The following PTPRT variants were observed in gnomAD, a reference collection of about 807,000 sequenced individuals.
PTPRT encodes receptor-type tyrosine-protein phosphatase T.
A neutral mutation model predicts 176.8 loss-of-function variants in PTPRT; 56 were observed. The observed-to-expected ratio is 0.32, with a 90% confidence interval of 0.26 to 0.40. The LOEUF is 0.40. PTPRT is among the 10% of genes least tolerant of loss of function. The pLI is 1.00. For missense variants in PTPRT, 1,540 were observed against 1,908.2 expected, an observed-to-expected ratio of 0.81 and a Z score of 3.60; for synonymous variants, 783 against 739.0, an observed-to-expected ratio of 1.06 and a Z score of -0.96.
At chr20:42,530,612 C>T (rs1458424935) in intron 7 of PTPRT, among the ~76,000 whole-genome samples, 3 of 152,170 alleles carry the variant, frequency 2.0e-5, no homozygotes, top group Non-Finnish European at 2.9e-5. Context: ...CTGAGTACCA[C>T]GTTTTCTTGT....
intron 9 of PTPRT, among the ~76,000 whole-genome samples, chr20:42,433,671 C>T (rs1162395338): frequency 1.3e-5 from 2 of 152,208 alleles, no homozygotes; most frequent in African/African-American, 4.8e-5. Context: ...AACAGGACCA[C>T]CACTTCTAAC....
At chr20:42,154,162 T>C (rs553557335) in intron 17 of PTPRT, among the ~76,000 whole-genome samples, 1 of 152,316 alleles carries the variant, frequency 6.6e-6, no homozygotes, top group South Asian at 2.1e-4. Context: ...TGCCCCTCCC[T>C]AGAACCATGC....
intron 2 of PTPRT, among the ~76,000 whole-genome samples, chr20:42,860,691 T>C (rs2078645971): frequency 6.6e-6 from 1 of 152,182 alleles, no homozygotes; most frequent in South Asian, 2.1e-4. Flanking sequence ...ATTTAGAAAA[T>C]TTTTCATTTT....
rs1350435069 is a variant in PTPRT at position 42,077,148 on chromosome 20, A to G, written c.*3731T>C. On this transcript the variant is annotated 3_prime_UTR_variant, in exon 31 of 31. Coordinates refer to ENST00000373187, the MANE Select transcript of PTPRT (RefSeq NM_007050.6). The stretch of plus-strand genomic sequence containing the variant: ...GAGCTCACATGTTAGAGTCCCCAGC[A>G]TAGGGTCTGTTGGTTCCTTTGCAGG... 2 of 182,692 alleles carry G rather than the reference A, an allele frequency of 1.1e-5. No homozygotes were observed. Among genetic ancestry groups the G allele is most frequent in the African/African-American group, 2.4e-5 (1 of 42,494 alleles). The allele number at this position is 182,692 out of a possible 1,614,324, so 11.3% of individuals were successfully genotyped here. A position where few individuals can be genotyped will look rare whatever the true frequency, so the allele number is the denominator to read the frequency against.
intron 11 of PTPRT, among the ~76,000 whole-genome samples, chr20:42,336,177 T>C (rs2058037055): frequency 1.3e-5 from 2 of 152,164 alleles, no homozygotes; most frequent in South Asian, 4.1e-4. Context: ...AAGTGACCTG[T>C]TTTTATGGAA....
chr20:42,706,892 A>G (rs2076068357), intron 6 of PTPRT, among the ~76,000 whole-genome samples: 2 of 152,222 alleles, frequency 1.3e-5, no homozygotes, highest in African/African-American at 4.8e-5. Flanking sequence ...GAAACACTAT[A>G]CTGGAATAGG....
chr20:42,592,012 C>T (rs1001845285), intron 7 of PTPRT, among the ~76,000 whole-genome samples: 10 of 134,554 alleles, frequency 7.4e-5, no homozygotes, highest in Non-Finnish European at 1.5e-4. Context: ...TGGAGTCTCA[C>T]TCTGTTGCCC....
At chr20:43,110,962 TG>T (rs1305167979) in intron 1 of PTPRT, among the ~76,000 whole-genome samples, 1 of 151,924 alleles carries the variant, frequency 6.6e-6, no homozygotes, top group Non-Finnish European at 1.5e-5. Context: ...CCAATGTGGG[TG>T]GGGGGAGAGA....
intron 1 of PTPRT, among the ~76,000 whole-genome samples, chr20:43,008,478 A>G (rs994388745): frequency 1.3e-5 from 2 of 152,106 alleles, no homozygotes; most frequent in Admixed American, 6.6e-5. Flanking sequence ...CTGACTTGTG[A>G]TCAGGAGTTT....
intron 7 of PTPRT, among the ~76,000 whole-genome samples, chr20:42,573,369 A>G (rs900816845): frequency 6.6e-5 from 10 of 151,772 alleles, no homozygotes; most frequent in Admixed American, 2.6e-4. Flanking sequence ...GATGGTCTGG[A>G]TAAGATACCC....
At chr20:43,160,358 T>C (rs1024230516) in intron 1 of PTPRT, among the ~76,000 whole-genome samples, 2 of 152,206 alleles carry the variant, frequency 1.3e-5, no homozygotes, top group Non-Finnish European at 2.9e-5. Flanking sequence ...CTACTCTCTG[T>C]TTAGAGTTAG....
In PTPRT at chr20:42,125,262, A is replaced by T. The variant is rs138218030; in HGVS notation, c.2847+3492T>A. Among the ~76,000 whole-genome samples the T allele has an allele frequency of 2.6e-3, 403 of 152,326 alleles. 4 individuals are homozygous for T. Among genetic ancestry groups the T allele is most frequent in the South Asian group, 0.024 (115 of 4,828 alleles). On this transcript the variant is annotated intron_variant, in intron 19 of 30. Transcript: ENST00000373187. ...ATGTTTCCTTTTGGGATCATGACAG[A>T]TACTTTACATCAGTAATTGCACACT...
intron 9 of PTPRT, among the ~76,000 whole-genome samples, chr20:42,411,735 A>C (rs1377059241): frequency 6.6e-6 from 1 of 152,142 alleles, no homozygotes; most frequent in African/African-American, 2.4e-5. Flanking sequence ...GAAATAAACA[A>C]ATTATTTGAA....
chr20:42,760,380 CTTTTTT>C (rs754362528), intron 5 of PTPRT, among the ~76,000 whole-genome samples: 66 of 94,220 alleles, frequency 7.0e-4, no homozygotes, highest in African/African-American at 1.5e-3. Context: ...TCTAAATCTG[CTTTTTT>C]TTTTTTTTTT....
At chr20:42,841,563 A>G (rs8119605) in intron 2 of PTPRT, among the ~76,000 whole-genome samples, 13,229 of 151,916 alleles carry the variant, frequency 0.087, 711 homozygotes, top group Admixed American at 0.15. Context: ...AGATAGCTTC[A>G]TAACAGTTTG....
chr20:42,458,821 TC>T, intron 8 of PTPRT, among the ~76,000 whole-genome samples: 1 of 152,336 alleles, frequency 6.6e-6, no homozygotes, highest in Non-Finnish European at 1.5e-5. Context: ...ATTCATTCGT[TC>T]AATAATGTAT....
At chr20:42,481,777 A>AC (rs2071389185) in intron 7 of PTPRT, among the ~76,000 whole-genome samples, 1 of 144,498 alleles carries the variant, frequency 6.9e-6, no homozygotes, top group Non-Finnish European at 1.5e-5. Context: ...TACACACACA[A>AC]ACACACACAC....
At chr20:42,463,422 A>T (rs1416600166) in intron 8 of PTPRT, among the ~76,000 whole-genome samples, 1 of 152,296 alleles carries the variant, frequency 6.6e-6, no homozygotes, top group Admixed American at 6.5e-5. Context: ...AAAAAAGCAC[A>T]CTAAAATTGC....
chr20:42,127,436 G>A (rs80069432), intron 19 of PTPRT, among the ~76,000 whole-genome samples: 207 of 152,028 alleles, frequency 1.4e-3, no homozygotes, highest in African/African-American at 4.7e-3. Flanking sequence ...CACACACCCT[G>A]CAATGCAAGG....
Sources: allele counts gnomAD v4.1 joint callset (sites outside exome capture counted in the v4.1 genomes callset), GRCh38; gene constraint gnomAD v4.1.1; transcripts MANE v1.5; gene names NCBI Gene and HGNC (gene_info 2026-07-23, HGNC 2026-07-21).